Variants in MSN observed in about 807,000 individuals in gnomAD.
The protein encoded by MSN is epididymis luminal protein 70.
Under a neutral mutation model 48.0 loss-of-function variants are expected in MSN, and 2 were observed. The observed-to-expected ratio is 0.04, with a 90% CI of 0.02 to 0.13. The LOEUF (loss-of-function observed/expected upper bound fraction) is 0.13. Among genes scored for constraint, MSN ranks in the 10% least tolerant of loss-of-function variants. The probability of loss-of-function intolerance (pLI) is 1.00; values close to 1 mark genes in which losing one functional copy is unlikely to be tolerated. For missense variants in MSN, 267 were observed against 470.1 expected (o/e 0.57, Z 3.99); for synonymous variants, 146 against 166.9 (o/e 0.87, Z 0.97).
At chrX:65,621,891 T>C (rs2148360681) in intron 1 of MSN, among the ~76,000 whole-genome samples, 1 of 111,750 alleles carries the variant, frequency 8.9e-6, no homozygotes, top group South Asian at 3.7e-4. Context: ...TAGATGCCAT[T>C]TTAACAGAAT....
rs939187398 is a variant in MSN at position 65,623,459 on chromosome X, C to A, written c.-22+34847C>A. 4.7e-5 allele frequency among the ~76,000 whole-genome samples: 5 copies of A among 107,492 alleles called. No homozygotes were observed. The East Asian group carries it at 1.4e-3, about 31-fold the overall frequency. The allele number at this position is 107,492 out of a possible 115,157, so 93.3% of individuals were successfully genotyped here. On this transcript the variant is annotated intron_variant, in intron 1 of 3. Coordinates refer to the MSN transcript ENST00000609672. ...AATAATGAGTTATAAAGTATTCCCC[C>A]TTCTTCTATTTTTTGAAAGAGTTTG...
rs138125846 is a variant in MSN at position 65,657,969 on chromosome X, T to C, written c.-21-58849T>C. ...TCCTCAATGTCCTCATTTCTACCAA[T>C]GTAACTGTCATTTCTTGTGAGGGTT... On this transcript the variant is annotated intron_variant, in intron 1 of 3. Coordinates refer to the MSN transcript ENST00000609672. Among the ~76,000 whole-genome samples, 818 of 112,251 alleles carry C rather than the reference T, an allele frequency of 7.3e-3. 8 individuals are homozygous for C. The highest frequency in any genetic ancestry group is 0.026 in the African/African-American group (791 of 30,927).
At chrX:65,606,980 T>A (rs1362120664) in intron 1 of MSN, among the ~76,000 whole-genome samples, 1 of 112,548 alleles carries the variant, frequency 8.9e-6, no homozygotes, top group Non-Finnish European at 1.9e-5. Flanking sequence ...GCAGGAATTA[T>A]ATTTGATATT....
At chrX:65,711,338 GC>G (rs2071413334) in intron 1 of MSN, among the ~76,000 whole-genome samples, 1 of 111,157 alleles carries the variant, frequency 9.0e-6, no homozygotes, top group Admixed American at 9.6e-5. Flanking sequence ...GGGATTACAG[GC>G]GTGAGCCACC....
At chrX:65,644,852 A>G (rs1602747115) in intron 1 of MSN, among the ~76,000 whole-genome samples, 1 of 112,216 alleles carries the variant, frequency 8.9e-6, no homozygotes, top group East Asian at 2.8e-4. Context: ...GATGAGACTG[A>G]TCATATATGC....
rs150117307 is a variant in MSN at position 65,645,757 on chromosome X, T to C, written c.-22+57145T>C. Among the ~76,000 whole-genome samples the C allele has an allele frequency of 1.0e-3, 114 of 111,500 alleles. No homozygotes were observed. In the East Asian group the frequency reaches 0.021, roughly 20 times the overall value. ...ATAAAACTGCCCAGCTGCCTCCACC[T>C]TGATGGTTCATGGGTACCTCAAATT... On this transcript the variant is annotated intron_variant, in intron 1 of 3. Coordinates refer to the MSN transcript ENST00000609672.
intron 2 of MSN, among the ~76,000 whole-genome samples, chrX:65,725,349 TA>T (rs780220413): frequency 8.9e-6 from 1 of 111,870 alleles, no homozygotes; most frequent in East Asian, 2.8e-4. Context: ...CATGACCTAA[TA>T]TCCTGGCCCT....
chrX:65,735,863 A>G (rs2071671440), intron 8 of MSN, among the ~76,000 whole-genome samples: 1 of 112,239 alleles, frequency 8.9e-6, no homozygotes, highest in Non-Finnish European at 1.9e-5. Context: ...AAGAAGTGCT[A>G]TGGAGACAAA....
intron 1 of MSN, chrX:65,588,651 C>T: frequency 1.3e-6 from 1 of 791,399 alleles, no homozygotes; most frequent in Non-Finnish European, 1.5e-6. Flanking sequence ...GGGAGAGGTT[C>T]CTGGACAGGA....
At chrX:65,604,906 C>T (rs768895204) in intron 1 of MSN, among the ~76,000 whole-genome samples, 1 of 111,884 alleles carries the variant, frequency 8.9e-6, no homozygotes, top group Non-Finnish European at 1.9e-5. Flanking sequence ...ACTTACCTCC[C>T]TACAGTCAAT....
intron 1 of MSN, among the ~76,000 whole-genome samples, chrX:65,623,623 C>G (rs983349794): frequency 9.2e-6 from 1 of 109,257 alleles, no homozygotes; most frequent in African/African-American, 3.4e-5. Context: ...CCAGCCTGGC[C>G]TACATGGTGA....
intron 2 of MSN, among the ~76,000 whole-genome samples, chrX:65,719,989 AC>A (rs1185322397): frequency 9.0e-6 from 1 of 111,275 alleles, no homozygotes; most frequent in Non-Finnish European, 1.9e-5. Context: ...ATAGTAGGGA[AC>A]CCCAGATAGT....
At chrX:65,689,662 G>C (rs780622322) in intron 1 of MSN, among the ~76,000 whole-genome samples, 28 of 111,565 alleles carry the variant, frequency 2.5e-4, no homozygotes, top group African/African-American at 9.1e-4. Context: ...TGCAGGAAGA[G>C]CAGCTCTCTC....
At chrX:65,728,128 C>G (rs888630210) in intron 3 of MSN, among the ~76,000 whole-genome samples, 1 of 111,622 alleles carries the variant, frequency 9.0e-6, no homozygotes, top group Non-Finnish European at 1.9e-5. Context: ...CAATGGCCAG[C>G]ATTCAAAGAA....
intron 1 of MSN, among the ~76,000 whole-genome samples, chrX:65,673,873 C>T (rs1474688289): frequency 9.0e-6 from 1 of 111,565 alleles, no homozygotes; most frequent in Non-Finnish European, 1.9e-5. Context: ...TAAAACCTAA[C>T]TTGCTTGGCT....
intron 1 of MSN, among the ~76,000 whole-genome samples, chrX:65,602,410 C>T (rs2070243565): frequency 8.9e-6 from 1 of 111,829 alleles, no homozygotes; most frequent in Admixed American, 9.5e-5. Flanking sequence ...AATGGGCCTC[C>T]CTGTTTCCAG....
At chrX:65,693,165 T>C (rs1245864728) in intron 1 of MSN, among the ~76,000 whole-genome samples, 1 of 111,893 alleles carries the variant, frequency 8.9e-6, no homozygotes, top group Non-Finnish European at 1.9e-5. Context: ...TCCATGTTGG[T>C]TACTAACTAA....
At chrX:65,680,827 C>A (rs1416227429) in intron 1 of MSN, among the ~76,000 whole-genome samples, 1 of 111,525 alleles carries the variant, frequency 9.0e-6, no homozygotes, top group Non-Finnish European at 1.9e-5. Flanking sequence ...TGGCTCACTG[C>A]AACCTCCACC....
chrX:65,642,102 C>T (rs1462261776), intron 1 of MSN, among the ~76,000 whole-genome samples: 1 of 82,001 alleles, frequency 1.2e-5, no homozygotes, highest in Non-Finnish European at 2.2e-5. Context: ...CCATTGCACT[C>T]TAGCCTGGGC....
Sources: allele counts gnomAD v4.1 joint callset (sites outside exome capture counted in the v4.1 genomes callset), GRCh38; gene constraint gnomAD v4.1.1; transcripts MANE v1.5; gene names NCBI Gene and HGNC (gene_info 2026-07-23, HGNC 2026-07-21).